The following CDK5RAP3 variants were observed in gnomAD, a reference collection of about 807,000 sequenced individuals.
The protein encoded by CDK5RAP3 is CDK5 regulatory subunit-associated protein 3.
In CDK5RAP3, 58 loss-of-function variants were observed where a neutral mutation model predicts 73.3. The ratio of observed to expected loss-of-function variants is 0.79; its 90% CI spans 0.64 to 0.98. CDK5RAP3 has a LOEUF of 0.98. Ranked by LOEUF, CDK5RAP3 falls within the 50% of genes least tolerant of loss-of-function variation. The pLI is 0.00. For missense variants in CDK5RAP3, 525 were observed against 615.8 expected (o/e 0.85, Z 1.56); for synonymous variants, 224 against 247.5 (o/e 0.91, Z 0.89).
upstream of CDK5RAP3, chr17:47,970,971 T>C: frequency 1.4e-6 from 2 of 1,459,764 alleles, no homozygotes; most frequent in East Asian, 2.5e-5. Context: ...GAGCCTGGGG[T>C]GGGCGGGGCT....
In CDK5RAP3 at chr17:47,981,451, C is replaced by A. The variant is rs968488240; in HGVS notation, c.1470C>A (p.Ile490=). The A allele has an allele frequency of 1.1e-5, 18 of 1,614,248 alleles. No individual in the cohort carries two copies. Among genetic ancestry groups the A allele is most frequent in the Non-Finnish European group, 1.4e-5 (17 of 1,180,050 alleles). Residue 490 remains isoleucine (I), a synonymous_variant, in exon 14 of 14, where the codon ATC becomes ATA. Transcript: ENST00000338399. ...KELQKLIEAD[I]SKRYSGRPVN... ...CACTCTTTCAGATTGAAGCTGACAT[C>A]TCCAAGAGGTACAGCGGGCGCCCTG...
At chr17:47,975,378 G>A (rs2036378097) in intron 6 of CDK5RAP3, 41 bp downstream of exon 6, 1 of 1,606,394 alleles carries the variant, frequency 6.2e-7, no homozygotes, top group Non-Finnish European at 8.5e-7. Context: ...GGACACCTGG[G>A]CCCCTGCTTG....
At chr17:47,968,178 C>T (rs907725725), upstream of CDK5RAP3, among the ~76,000 whole-genome samples, 2 of 152,146 alleles carry the variant, frequency 1.3e-5, no homozygotes, top group Non-Finnish European at 2.9e-5. Context: ...CTGAGCAATT[C>T]CTACAGTCTG....
At chr17:47,971,076 A>G, upstream of CDK5RAP3, 4 of 1,551,028 alleles carry the variant, frequency 2.6e-6, no homozygotes, top group South Asian at 1.2e-5. Context: ...AGGCTCGGCC[A>G]CAACGCCACT....
intron 9 of CDK5RAP3, 112 bp downstream of exon 9, chr17:47,976,934 A>G (rs1020301236): frequency 6.4e-6 from 4 of 625,054 alleles, no homozygotes; most frequent in Non-Finnish European, 8.3e-6. Context: ...AAGACCAGGT[A>G]TAGTCCAAGG....
In CDK5RAP3 at chr17:47,974,398, A is replaced by G. The variant is rs1311627968; in HGVS notation, c.286-2A>G. ...TAACATTGTTTTTCTGTTCTTACTC[A>G]GGATTGGCAGGAGATTATAGCTCTG... On this transcript the variant is annotated splice_acceptor_variant, in intron 4 of 13. Transcript: ENST00000338399. LOFTEE classifies it high-confidence loss of function. 3 of 1,613,184 alleles carry G rather than the reference A, an allele frequency of 1.9e-6. No homozygotes were observed. The highest frequency in any genetic ancestry group is 2.5e-6 in the Non-Finnish European group (3 of 1,179,254).
At chr17:47,977,456 T>C (rs1446532466) in intron 9 of CDK5RAP3, among the ~76,000 whole-genome samples, 8 of 152,094 alleles carry the variant, frequency 5.3e-5, no homozygotes, top group Non-Finnish European at 2.9e-5. Context: ...CTAATTTTTG[T>C]ATTTTTAATA....
At chr17:47,977,941 A>G in intron 10 of CDK5RAP3, 31 bp downstream of exon 10, 1 of 1,592,142 alleles carries the variant, frequency 6.3e-7, no homozygotes, top group South Asian at 1.1e-5. Flanking sequence ...AGCCCTGGCA[A>G]AAGTGGGGTG....
At chr17:47,973,900 A>T (rs778048053) in intron 3 of CDK5RAP3, 31 bp from the exon 4 acceptor site, 28 of 1,537,516 alleles carry the variant, frequency 1.8e-5, no homozygotes, top group Non-Finnish European at 2.5e-5. Context: ...AAGATACTTT[A>T]GTTCTCGAAA....
upstream of CDK5RAP3, chr17:47,971,056 G>A (rs2036247039): frequency 6.5e-7 from 1 of 1,549,084 alleles, no homozygotes; most frequent in Admixed American, 2.0e-5. Flanking sequence ...GCCCGTTTGT[G>A]TCTAAACGGA....
intron 2 of CDK5RAP3, 50 bp downstream of exon 2, chr17:47,971,457 G>T (rs750578837): frequency 6.6e-7 from 1 of 1,508,202 alleles, no homozygotes; most frequent in Non-Finnish European, 9.0e-7. Context: ...AGGCCTGTGC[G>T]TTGCCCCCTG....
chr17:47,973,404 CT>C, intron 2 of CDK5RAP3, 114 bp from the exon 3 acceptor site: 4 of 1,248,462 alleles, frequency 3.2e-6, no homozygotes, highest in Non-Finnish European at 4.4e-6. Flanking sequence ...GACCCCCATA[CT>C]TTAACCAATG....
rs1279668924 is a variant in CDK5RAP3 at position 47,978,933 on chromosome 17, G to C, written c.1077+16G>C. 6.3e-7 allele frequency: 1 copy of C among 1,598,074 alleles called. No individual in the cohort carries two copies. Among genetic ancestry groups the C allele is most frequent in the East Asian group, 2.2e-5 (1 of 44,802 alleles). On this transcript the variant is annotated intron_variant, in intron 11 of 13. Transcript: ENST00000338399. ...GCTCATGGAGGTACTGTCATCTCTGGAAGATGCAGGGGGGAGGCATGGCAC... is the reference window on the plus strand; with the variant it reads ...GCTCATGGAGGTACTGTCATCTCTGCAAGATGCAGGGGGGAGGCATGGCAC...
rs760908762 is a variant in CDK5RAP3 at position 47,981,223 on chromosome 17, T to C, written c.1344T>C (p.Ala448=). 6 of 1,614,078 alleles carry C rather than the reference T, an allele frequency of 3.7e-6. 1 individual carries two copies. Among genetic ancestry groups the C allele is most frequent in the Non-Finnish European group, 5.1e-6 (6 of 1,180,034 alleles). Residue 448 remains alanine (A), a synonymous_variant, in exon 13 of 14, where the codon GCT becomes GCC. Coordinates refer to ENST00000338399, the MANE Select transcript of CDK5RAP3 (RefSeq NM_176096.3). ...AGCTGAAGCAGTCCCAGCTGCTGGCTTTGAAGAAAGAGCTGATGGTGCAGA... is the reference window on the plus strand; with the variant it reads ...AGCTGAAGCAGTCCCAGCTGCTGGCCTTGAAGAAAGAGCTGATGGTGCAGA... The part of the protein sequence containing the change: ...QQKLKQSQLL[A]LKKELMVQKQ...
chr17:47,980,853 G>A, intron 12 of CDK5RAP3, 55 bp downstream of exon 12: 1 of 1,540,232 alleles, frequency 6.5e-7, no homozygotes, highest in African/African-American at 1.4e-5. Context: ...CTGCCTCCTT[G>A]TATTCCTCCT....
chr17:47,971,428 G>T (rs1472744431), intron 2 of CDK5RAP3, 21 bp downstream of exon 2: 1 of 1,586,580 alleles, frequency 6.3e-7, no homozygotes, highest in Admixed American at 1.8e-5. Context: ...GCGCCACCGC[G>T]CAGCTGGCTG....
In CDK5RAP3 at chr17:47,973,454, C is replaced by G. The variant is rs974137018; in HGVS notation, c.53-65C>G. 213 of 1,573,138 alleles carry G rather than the reference C, an allele frequency of 1.4e-4. 2 individuals are homozygous for G. The South Asian group carries it at 2.3e-3, about 17-fold the overall frequency. On this transcript the variant is annotated intron_variant, in intron 2 of 13. Coordinates refer to ENST00000338399, the MANE Select transcript of CDK5RAP3 (RefSeq NM_176096.3). ...TAGACTAATTTCAGTGTATTTCACT[C>G]GAATTAGTGATGGAATTTTGGTGAT...
At chr17:47,971,275 G>A (rs765594750) in intron 1 of CDK5RAP3, 87 bp from the exon 2 acceptor site, 5 of 1,545,400 alleles carry the variant, frequency 3.2e-6, no homozygotes, top group Non-Finnish European at 4.4e-6. Flanking sequence ...GCCCTGCAGG[G>A]TGGTGGTTGG....
intron 2 of CDK5RAP3, among the ~76,000 whole-genome samples, chr17:47,973,153 A>G (rs1327932140): frequency 1.3e-5 from 2 of 152,216 alleles, no homozygotes; most frequent in Non-Finnish European, 2.9e-5. Context: ...CCCTGAGGAA[A>G]TGGAAGTTGA....
Sources: gnomAD v4.1 joint callset for allele counts (sites outside exome capture counted in the v4.1 genomes callset) on GRCh38, gnomAD v4.1.1 for gene constraint, MANE v1.5 for transcripts, NCBI Gene and HGNC (gene_info 2026-07-23, HGNC 2026-07-21) for gene names.